The following GPM6A variants were observed in gnomAD, a reference collection of about 807,000 sequenced individuals.
GPM6A encodes neuronal membrane glycoprotein M6-a.
Under a neutral mutation model 32.1 loss-of-function variants are expected in GPM6A, and 7 were observed. That is an observed-to-expected ratio of 0.22 (90% CI 0.12 to 0.41). GPM6A has a LOEUF of 0.41. Among genes scored for constraint, GPM6A ranks in the 10% least tolerant of loss-of-function variants. The pLI, the probability that GPM6A is intolerant of heterozygous loss-of-function variation, is 1.00. For missense variants in GPM6A, 235 were observed against 347.2 expected, an observed-to-expected ratio of 0.68 and a Z score of 2.57; for synonymous variants, 130 against 123.4, an observed-to-expected ratio of 1.05 and a Z score of -0.35.
At chr4:175,878,419 C>T (rs1037666854) in intron 1 of GPM6A, among the ~76,000 whole-genome samples, 1 of 152,190 alleles carries the variant, frequency 6.6e-6, no homozygotes, top group Non-Finnish European at 1.5e-5. Context: ...TCCATACATT[C>T]TCTGAAATCG....
chr4:175,770,301 C>T (rs1346261632), intron 1 of GPM6A, among the ~76,000 whole-genome samples: 1 of 152,230 alleles, frequency 6.6e-6, no homozygotes, highest in Non-Finnish European at 1.5e-5. Flanking sequence ...GCTGGGGTTA[C>T]AGGCGTGAGC....
At chr4:175,642,205 G>GTAAAAATT (rs1741187473) in intron 4 of GPM6A, 1 of 152,092 alleles carries the variant, frequency 6.6e-6, no homozygotes, top group African/African-American at 2.4e-5. Flanking sequence ...CTAAGAGTGG[G>GTAAAAATT]TAAAAATTTA....
At chr4:175,669,835 T>TA (rs953087271) in intron 3 of GPM6A, among the ~76,000 whole-genome samples, 17 of 152,134 alleles carry the variant, frequency 1.1e-4, no homozygotes, top group Non-Finnish European at 2.4e-4. Flanking sequence ...GCTGTCCTTA[T>TA]AAAAAAAGGG....
chr4:175,904,792 T>A (rs1023669296), intron 1 of GPM6A, among the ~76,000 whole-genome samples: 2 of 152,184 alleles, frequency 1.3e-5, no homozygotes, highest in Non-Finnish European at 2.9e-5. Context: ...ATTAAATATT[T>A]CCTGAATTAC....
intron 1 of GPM6A, among the ~76,000 whole-genome samples, chr4:175,915,122 G>C (rs1738450396): frequency 6.6e-6 from 1 of 151,984 alleles, no homozygotes; most frequent in Admixed American, 6.6e-5. Flanking sequence ...AGCTTATAAT[G>C]CAAGTTATGA....
chr4:175,941,693 T>C (rs1039133081), intron 1 of GPM6A, among the ~76,000 whole-genome samples: 4 of 152,238 alleles, frequency 2.6e-5, no homozygotes, highest in Non-Finnish European at 5.9e-5. Context: ...GTTTCATCCA[T>C]GTCCCTGCAA....
intron 1 of GPM6A, among the ~76,000 whole-genome samples, chr4:175,796,948 TTG>T (rs545361309): frequency 5.0e-4 from 75 of 151,416 alleles, no homozygotes; most frequent in African/African-American, 1.8e-3. Context: ...AAGTCCTGAA[TTG>T]TTTTTTTTTC....
At chr4:175,944,871 T>G (rs1305694029) in intron 1 of GPM6A, among the ~76,000 whole-genome samples, 1 of 152,198 alleles carries the variant, frequency 6.6e-6, no homozygotes, top group Non-Finnish European at 1.5e-5. Context: ...ACTGCAGTCT[T>G]CAACAGACAT....
At chr4:175,794,301 A>G (rs1734129066) in intron 1 of GPM6A, among the ~76,000 whole-genome samples, 1 of 152,260 alleles carries the variant, frequency 6.6e-6, no homozygotes, top group Non-Finnish European at 1.5e-5. Context: ...TTATCTCAAC[A>G]AGTGTTAAAT....
intron 1 of GPM6A, among the ~76,000 whole-genome samples, chr4:175,944,908 C>A (rs887763712): frequency 6.6e-6 from 1 of 151,744 alleles, no homozygotes; most frequent in African/African-American, 2.4e-5. Flanking sequence ...GTTTCAGAGA[C>A]CTCGAATCAT....
At chr4:175,916,665 G>A (rs939549311) in intron 1 of GPM6A, among the ~76,000 whole-genome samples, 3 of 152,090 alleles carry the variant, frequency 2.0e-5, no homozygotes, top group Admixed American at 1.3e-4. Context: ...TACATTATGG[G>A]GGGAAATATA....
chr4:175,879,777 T>C (rs965352293), intron 1 of GPM6A, among the ~76,000 whole-genome samples: 1 of 152,218 alleles, frequency 6.6e-6, no homozygotes, highest in African/African-American at 2.4e-5. Context: ...ATATTTTTTC[T>C]AAATATTTTA....
chr4:175,933,145 T>C (rs1416245276), intron 1 of GPM6A, among the ~76,000 whole-genome samples: 1 of 151,774 alleles, frequency 6.6e-6, no homozygotes, highest in Non-Finnish European at 1.5e-5. Context: ...AACAACTCCA[T>C]TAAAAATGGG....
intron 3 of GPM6A, among the ~76,000 whole-genome samples, chr4:175,652,209 T>C (rs1232611498): frequency 1.3e-5 from 2 of 152,164 alleles, no homozygotes; most frequent in East Asian, 1.9e-4. Context: ...GAAGTTCTGA[T>C]GTACAAAGAA....
intron 1 of GPM6A, among the ~76,000 whole-genome samples, chr4:175,793,124 G>C (rs150882980): frequency 1.7e-3 from 254 of 152,276 alleles, no homozygotes; most frequent in African/African-American, 5.8e-3. Context: ...TCTTTAGCTA[G>C]TACAGATGAG....
chr4:175,821,513 G>A (rs1330452033), intron 1 of GPM6A, among the ~76,000 whole-genome samples: 1 of 151,892 alleles, frequency 6.6e-6, no homozygotes, highest in Non-Finnish European at 1.5e-5. Flanking sequence ...TATATTTATT[G>A]AACTTAAATT....
At chr4:175,731,670 C>G (rs1731439964) in intron 1 of GPM6A, among the ~76,000 whole-genome samples, 2 of 152,142 alleles carry the variant, frequency 1.3e-5, no homozygotes, top group Non-Finnish European at 2.9e-5. Flanking sequence ...AGGAAGCAGC[C>G]TGAATAACTT....
chr4:175,675,664 T>A (rs967355358), intron 2 of GPM6A, among the ~76,000 whole-genome samples: 2 of 152,118 alleles, frequency 1.3e-5, no homozygotes, highest in Non-Finnish European at 2.9e-5. Flanking sequence ...TTTATTTATT[T>A]TTCAAGACAT....
chr4:175,931,709 C>CACACACACACATATAT (rs1324269132), intron 1 of GPM6A, among the ~76,000 whole-genome samples: 1 of 129,298 alleles, frequency 7.7e-6, no homozygotes, highest in African/African-American at 2.9e-5. Flanking sequence ...CACACACACA[C>CACACACACACATATAT]ATATATATAT....
Sources: gnomAD v4.1 joint callset for allele counts (sites outside exome capture counted in the v4.1 genomes callset) on GRCh38, gnomAD v4.1.1 for gene constraint, MANE v1.5 for transcripts, NCBI Gene and HGNC (gene_info 2026-07-23, HGNC 2026-07-21) for gene names.